The following CRACDL variants were observed in gnomAD, a reference collection of about 807,000 sequenced individuals.
CRACDL encodes CRACD like.
A neutral mutation model predicts 70.6 loss-of-function variants in CRACDL; 26 were observed. The ratio of observed to expected loss-of-function variants is 0.37; its 90% CI spans 0.27 to 0.51. The LOEUF is 0.51. CRACDL is among the 20% of genes least tolerant of loss of function. CRACDL has a pLI of 0.94. For missense variants in CRACDL, 1,283 were observed against 1,376.9 expected, an observed-to-expected ratio of 0.93 and a Z score of 1.08; for synonymous variants, 618 against 615.2, an observed-to-expected ratio of 1.00 and a Z score of -0.07.
At chr2:98,827,264 C>A (rs1184183164) in intron 5 of CRACDL, 95 bp from the exon 6 acceptor site, 1 of 817,814 alleles carries the variant, frequency 1.2e-6, no homozygotes, top group East Asian at 2.5e-5. Flanking sequence ...CCCAGGCTGT[C>A]TTCCCACACT....
At chr2:98,865,537 T>A (rs926112305) in intron 1 of CRACDL, among the ~76,000 whole-genome samples, 1 of 152,154 alleles carries the variant, frequency 6.6e-6, no homozygotes, top group Middle Eastern at 3.2e-3. Flanking sequence ...ACTATTGTTC[T>A]CTAGTGAGTC....
At chr2:98,904,913 C>G (rs1002635578) in intron 1 of CRACDL, among the ~76,000 whole-genome samples, 2 of 152,162 alleles carry the variant, frequency 1.3e-5, no homozygotes, top group Non-Finnish European at 2.9e-5. Flanking sequence ...GCTTTGGTGT[C>G]TTCCCCATTG....
At chr2:98,861,297 A>G (rs2104572589) in intron 1 of CRACDL, among the ~76,000 whole-genome samples, 1 of 152,328 alleles carries the variant, frequency 6.6e-6, no homozygotes, top group Admixed American at 6.5e-5. Flanking sequence ...CAGTGAGCTG[A>G]GATCATGCCA....
rs773278161 is a variant in CRACDL, at chr2:98,823,279, G to A, written c.994C>T (p.Pro332Ser). The A allele has an allele frequency of 7.9e-5, 111 of 1,413,572 alleles. No individual in the cohort carries two copies. Among genetic ancestry groups the A allele is most frequent in the Admixed American group, 2.2e-4 (7 of 31,166 alleles). 87.6% of individuals were successfully genotyped at this position (1,413,572 alleles called of 1,614,324 possible). A position where few individuals can be genotyped will look rare whatever the true frequency, so the allele number is the denominator to read the frequency against. The change falls in exon 7 of 10, where the codon CCC becomes TCC. Residue 332 changes from proline to serine, a missense_variant. Around this residue, in one of 2 missense-constraint regions of CRACDL, gnomAD observed 362 missense variants for 495.0 expected, o/e 0.73. Transcript: ENST00000397899. The surrounding 1 kb of genome is among the most constrained non-coding windows in gnomAD (Gnocchi z 4.0). ...VEEGGVPGED[P>S]SSRPATPELA... ...TCCGGGGTGGCCGGGCGGCTTGAGG[G>A]GTCCTCCCCGGGGACGCCCCCCTCC...
Position 98,796,151 on chromosome 2 carries a change from T to C in CRACDL, c.2718A>G (p.Gln906=). Residue 906 remains glutamine, a synonymous_variant, in exon 9 of 10, where the codon CAA becomes CAG. Transcript: ENST00000397899. The part of the protein sequence containing the change: ...GAKLNFKEGL[Q]RGISLSHQNL... The stretch of plus-strand genomic sequence containing the variant: ...TCTGATGGGACAATGAGATTCCTCT[T>C]TGCAGCCCCTCCTTGAAGTTGAGCT... 2 of 1,614,230 alleles carry C rather than the reference T, an allele frequency of 1.2e-6. No homozygotes were observed. Among genetic ancestry groups the C allele is most frequent in the South Asian group, 1.1e-5 (1 of 91,086 alleles).
Position 98,832,930 on chromosome 2 carries a change from G to A in CRACDL, c.307C>T (p.Gln103Ter). 1 of 1,614,106 alleles carries A rather than the reference G, an allele frequency of 6.2e-7. No individual in the cohort carries two copies. Among genetic ancestry groups the A allele is most frequent in the Non-Finnish European group, 8.5e-7 (1 of 1,179,950 alleles). Residue 103 changes from glutamine (Q) to a stop codon, truncating the protein, a stop_gained, in exon 4 of 10, where the codon CAG (glutamine) becomes TAG (stop). Coordinates refer to ENST00000397899, the MANE Select transcript of CRACDL (RefSeq NM_207362.3). LOFTEE classifies it high-confidence loss of function. ...HDSIFIPESG[Q>*]DATRPVRVFS... The stretch of plus-strand genomic sequence containing the variant: ...ACCCGCACAGGCCGAGTAGCGTCCT[G>A]TCCGGACTCAGGAATGAAAATACTG...
intron 1 of CRACDL, among the ~76,000 whole-genome samples, chr2:98,910,520 CAAAA>C (rs1022735362): frequency 2.3e-5 from 2 of 88,782 alleles, no homozygotes; most frequent in African/African-American, 4.4e-5. Flanking sequence ...GACTCTGTCT[CAAAA>C]TAAATAAATA....
intron 1 of CRACDL, among the ~76,000 whole-genome samples, chr2:98,918,497 C>T (rs945985152): frequency 7.2e-6 from 1 of 139,206 alleles, no homozygotes; most frequent in African/African-American, 2.7e-5. Context: ...GAGATCACGC[C>T]ATTGCACTCC....
In CRACDL at chr2:98,869,008, G is replaced by A. The variant is rs542144045; in HGVS notation, c.-10-22198C>T. ...AGGGGATGGTGGCCACCCACGCCCC[G>A]GGAGTCACGGCCTGGCCTCCCCTCC... On this transcript the variant is annotated intron_variant, in intron 1 of 9. Transcript: ENST00000397899. 49 of 1,002,280 alleles carry A rather than the reference G, an allele frequency of 4.9e-5. No individual in the cohort carries two copies. In the African/African-American group the frequency reaches 5.0e-4, roughly 10 times the overall value. 62.1% of individuals were successfully genotyped at this position (1,002,280 alleles called of 1,614,324 possible).
rs1703884345 is a variant in CRACDL, at chr2:98,797,615, G to A, written c.2417-78C>T. ...GCACCCTTTGTGTCTCCTGCACAGA[G>A]AACACTACTGCTTTGGTTCAGGGTT... On this transcript the variant is annotated intron_variant, in intron 7 of 9. Coordinates refer to ENST00000397899, the MANE Select transcript of CRACDL (RefSeq NM_207362.3). 3.7e-6 allele frequency: 5 copies of A among 1,361,108 alleles called. No individual in the cohort carries two copies. The East Asian group carries it at 1.1e-4, about 31-fold the overall frequency. The allele number at this position is 1,361,108 out of a possible 1,614,324, so 84.3% of individuals were successfully genotyped here. A position where few individuals can be genotyped will look rare whatever the true frequency, so the allele number is the denominator to read the frequency against.
chr2:98,832,162 C>T (rs953093057), intron 5 of CRACDL, among the ~76,000 whole-genome samples, 186 bp downstream of exon 5: 1 of 152,170 alleles, frequency 6.6e-6, no homozygotes, highest in Non-Finnish European at 1.5e-5. Context: ...CCTAACCAGA[C>T]CTGAATTTCT....
At chr2:98,821,149 G>T (rs531456204) in intron 7 of CRACDL, among the ~76,000 whole-genome samples, 45 of 152,178 alleles carry the variant, frequency 3.0e-4, no homozygotes, top group African/African-American at 1.0e-3. Flanking sequence ...CAAAATCCTG[G>T]TATTTATTTT....
At chr2:98,797,675 G>C in intron 7 of CRACDL, 138 bp from the exon 8 acceptor site, 1 of 730,816 alleles carries the variant, frequency 1.4e-6, no homozygotes, top group South Asian at 2.0e-5. Flanking sequence ...TTTCTTTAGG[G>C]GCTTTGTTTT....
chr2:98,920,904 A>G (rs1708787245), intron 1 of CRACDL, among the ~76,000 whole-genome samples: 1 of 152,222 alleles, frequency 6.6e-6, no homozygotes, highest in South Asian at 2.1e-4. Context: ...ACTGGATCAA[A>G]GAAACCTCAG....
At chr2:98,898,527 G>C (rs560496581) in intron 1 of CRACDL, among the ~76,000 whole-genome samples, 1 of 152,242 alleles carries the variant, frequency 6.6e-6, no homozygotes, top group African/African-American at 2.4e-5. Flanking sequence ...GAGCATGCTC[G>C]GGGCCAGGGC....
At chr2:98,858,621 G>A (rs993498921) in intron 1 of CRACDL, among the ~76,000 whole-genome samples, 1 of 149,558 alleles carries the variant, frequency 6.7e-6, no homozygotes, top group Non-Finnish European at 1.5e-5. Context: ...ACAAACAGAA[G>A]AAAGGACAAA....
chr2:98,857,608 A>G (rs1213208382), intron 1 of CRACDL, among the ~76,000 whole-genome samples: 1 of 152,212 alleles, frequency 6.6e-6, no homozygotes, highest in Non-Finnish European at 1.5e-5. Flanking sequence ...CTGACAATAT[A>G]CACTTAAAGG....
intron 7 of CRACDL, among the ~76,000 whole-genome samples, chr2:98,805,202 CA>C (rs1189821670): frequency 3.9e-5 from 6 of 152,208 alleles, no homozygotes; most frequent in African/African-American, 1.4e-4. Context: ...CTGGTGTATT[CA>C]GTCTGGAAAT....
chr2:98,818,831 G>C (rs1704905879), intron 7 of CRACDL, among the ~76,000 whole-genome samples: 1 of 152,174 alleles, frequency 6.6e-6, no homozygotes, highest in Non-Finnish European at 1.5e-5. Flanking sequence ...AGCCCCTCAA[G>C]GTCCAGGTAG....
Sources: allele counts gnomAD v4.1 joint callset (sites outside exome capture counted in the v4.1 genomes callset), GRCh38; gene constraint gnomAD v4.1.1; regional missense constraint gnomAD v4.1.1; non-coding constraint Gnocchi (gnomAD v3.1); transcripts MANE v1.5; gene names NCBI Gene and HGNC (gene_info 2026-07-23, HGNC 2026-07-21).